CIT: variants seen among roughly 807,000 people sequenced by gnomAD.
CIT encodes the protein citron rho-interacting serine/threonine kinase.
In CIT, 79 loss-of-function variants were observed where a neutral mutation model predicts 272.7. That is an observed-to-expected ratio of 0.29 (90% CI 0.24 to 0.35). The LOEUF is 0.35. Ranked by LOEUF, CIT falls within the 10% of genes least tolerant of loss-of-function variation. The pLI is 1.00. For synonymous variants in CIT, 948 were observed against 995.6 expected (o/e 0.95, Z 0.90); for missense variants, 1,909 against 2,618.3 (o/e 0.73, Z 5.91).
chr12:119,714,218 G>T lies in CIT; in HGVS notation c.4285C>A (p.Arg1429Ser). 1 of 1,614,084 alleles carries T rather than the reference G, an allele frequency of 6.2e-7. No individual in the cohort carries two copies. Among genetic ancestry groups the T allele is most frequent in the Non-Finnish European group, 8.5e-7 (1 of 1,180,014 alleles). ...AVCLDTVHFG[R>S]QASKCLECQV... ...TTACCGAGACATTTGGATGCCTGGC[G>T]TCCAAAGTGCACGGTATCCAGACAC... is the stretch of plus-strand genomic sequence containing the variant. The change falls in exon 33 of 48, where the codon CGC becomes AGC. Residue 1429 changes from arginine to serine, a missense_variant. Physicochemically the swap from Arg to Ser is moderately radical, Grantham distance 110. Around this residue, in one of 8 missense-constraint regions of CIT, gnomAD observed 780 missense variants for 1,067.2 expected, o/e 0.73. Coordinates refer to ENST00000392521, the MANE Select transcript of CIT (RefSeq NM_001206999.2).
chr12:119,815,061 A>G (rs1967029862), intron 9 of CIT, among the ~76,000 whole-genome samples: 1 of 148,006 alleles, frequency 6.8e-6, no homozygotes, highest in Non-Finnish European at 1.5e-5. Flanking sequence ...AAAAGGGCCC[A>G]AAACGAATAT....
chr12:119,732,588 C>A (rs918170975), intron 26 of CIT, among the ~76,000 whole-genome samples: 5 of 152,296 alleles, frequency 3.3e-5, no homozygotes, highest in Admixed American at 6.5e-5. Context: ...CAAAAAGGAA[C>A]TATTTCTACC....
At chr12:119,726,810 G>A (rs1958139206) in intron 28 of CIT, among the ~76,000 whole-genome samples, 1 of 152,182 alleles carries the variant, frequency 6.6e-6, no homozygotes, top group South Asian at 2.1e-4. Flanking sequence ...GTTGGGGAGT[G>A]GGAGGTAGTC....
intron 3 of CIT, among the ~76,000 whole-genome samples, chr12:119,864,394 G>A (rs1950457233): frequency 6.6e-6 from 1 of 152,114 alleles, no homozygotes; most frequent in African/African-American, 2.4e-5. Context: ...GGGGTGCAGT[G>A]GCACAATCTT....
chr12:119,806,266 G>A (rs1228267457), intron 9 of CIT, among the ~76,000 whole-genome samples: 1 of 151,524 alleles, frequency 6.6e-6, no homozygotes, highest in Non-Finnish European at 1.5e-5. Context: ...AGTCGGTCAA[G>A]TACAACAGGA....
chr12:119,843,025 G>A (rs905256691), intron 5 of CIT, among the ~76,000 whole-genome samples: 9 of 152,138 alleles, frequency 5.9e-5, no homozygotes, highest in South Asian at 2.1e-4. Context: ...GTCAAAAGGC[G>A]CCATTCCAGA....
chr12:119,705,430 T>C (rs1565912067), intron 40 of CIT, among the ~76,000 whole-genome samples: 1 of 152,056 alleles, frequency 6.6e-6, no homozygotes, highest in Non-Finnish European at 1.5e-5. Context: ...AGAATGAAGA[T>C]GGGCCGGGAT....
chr12:119,787,648 A>G (rs679381), intron 10 of CIT, among the ~76,000 whole-genome samples: 66,269 of 147,866 alleles, frequency 0.45, 15,307 homozygotes, highest in Admixed American at 0.56. Context: ...GGAGAATGGC[A>G]TGAACCCGGG....
chr12:119,706,827 G>C (rs190402619), intron 40 of CIT, among the ~76,000 whole-genome samples: 1 of 152,148 alleles, frequency 6.6e-6, no homozygotes, highest in African/African-American at 2.4e-5. Flanking sequence ...TGGGTTGAAT[G>C]GTATTTCCAT....
intron 5 of CIT, among the ~76,000 whole-genome samples, chr12:119,848,173 G>A (rs1373855383): frequency 6.6e-6 from 1 of 152,220 alleles, no homozygotes; most frequent in Non-Finnish European, 1.5e-5. Flanking sequence ...CGTGTGGTCA[G>A]TCAAAGCCAG....
chr12:119,762,626 TA>T (rs2137514426), intron 19 of CIT, among the ~76,000 whole-genome samples: 1 of 152,302 alleles, frequency 6.6e-6, no homozygotes, highest in South Asian at 2.1e-4. Flanking sequence ...TATGAGGTGC[TA>T]AAGCAATGAA....
chr12:119,711,378 T>C (rs904394201), intron 37 of CIT, among the ~76,000 whole-genome samples: 5 of 152,296 alleles, frequency 3.3e-5, no homozygotes, highest in South Asian at 4.1e-4. Context: ...TTCTAACAGC[T>C]TAAGGATAAG....
intron 30 of CIT, among the ~76,000 whole-genome samples, chr12:119,719,644 G>C (rs985233299): frequency 3.9e-5 from 6 of 152,154 alleles, no homozygotes; most frequent in African/African-American, 1.2e-4. Flanking sequence ...CGGAAATATT[G>C]AGACAACTGT....
In CIT at chr12:119,869,010, T is replaced by C. The variant is rs534902824; in HGVS notation, c.238+50A>G. On this transcript the variant is annotated intron_variant, in intron 3 of 47. Transcript: ENST00000392521. Reference sequence around the variant, plus strand: ...ACTCATTCTGCCTCAAGCATCTTTCTAGTTTTTCTCTCTCAGGACAGTTTT... The same window carrying C: ...ACTCATTCTGCCTCAAGCATCTTTCCAGTTTTTCTCTCTCAGGACAGTTTT... 1.6e-5 allele frequency: 26 copies of C among 1,600,398 alleles called. No individual in the cohort carries two copies. The East Asian group carries it at 5.1e-4, about 32-fold the overall frequency.
chr12:119,869,869 C>G lies in CIT; in HGVS notation c.97-668G>C, dbSNP rs549789735. On this transcript the variant is annotated intron_variant, in intron 2 of 47. Coordinates refer to ENST00000392521, the MANE Select transcript of CIT (RefSeq NM_001206999.2). ...TGGCACATCCGGCAACACTGCCTCG[C>G]CTTCCTGCCTGATGACGCTGAGCTG... Among the ~76,000 whole-genome samples, 6 of 152,318 alleles carry G rather than the reference C, an allele frequency of 3.9e-5. No homozygotes were observed. In the South Asian group the frequency reaches 1.2e-3, roughly 32 times the overall value.
chr12:119,743,230 T>TAA (rs371168551), intron 23 of CIT, among the ~76,000 whole-genome samples: 1 of 143,636 alleles, frequency 7.0e-6, no homozygotes, highest in Non-Finnish European at 1.5e-5. Flanking sequence ...GGGACCAGTT[T>TAA]AAAAAAAAAA....
intron 28 of CIT, among the ~76,000 whole-genome samples, chr12:119,724,137 A>G (rs562472159): frequency 6.6e-6 from 1 of 152,256 alleles, no homozygotes; most frequent in African/African-American, 2.4e-5. Flanking sequence ...TTGAAAAAAT[A>G]AAAGAGAAGG....
chr12:119,690,271 C>T lies in CIT; in HGVS notation c.6066G>A (p.Lys2022=). The T allele has an allele frequency of 6.3e-7, 1 of 1,577,802 alleles. No homozygotes were observed. ...KSPGRPLERE[K]SPGRMLSTRR... is the part of the protein sequence containing the mutation. ...GCGTGCTGAGCATCCGGCCGGGGGACTTCTCTCGCTCCAGGGGGCGGCCAG... is the reference window on the plus strand; with the variant it reads ...GCGTGCTGAGCATCCGGCCGGGGGATTTCTCTCGCTCCAGGGGGCGGCCAG... Residue 2022 remains lysine, a synonymous_variant, in exon 47 of 48, where the codon AAG becomes AAA. Coordinates refer to ENST00000392521, the MANE Select transcript of CIT (RefSeq NM_001206999.2). The surrounding 1 kb of genome is among the most constrained non-coding windows in gnomAD (Gnocchi z 6.0).
intron 15 of CIT, 65 bp from the exon 16 acceptor site, chr12:119,775,904 T>C (rs1963702609): frequency 1.5e-6 from 2 of 1,309,930 alleles, no homozygotes; most frequent in Admixed American, 3.5e-5. Flanking sequence ...GCTACATTTA[T>C]TGCAGTCCTA....
Sources: gnomAD v4.1 joint callset for allele counts (sites outside exome capture counted in the v4.1 genomes callset) on GRCh38, gnomAD v4.1.1 for gene constraint, gnomAD v4.1.1 regional missense constraint, Gnocchi (gnomAD v3.1) non-coding constraint, MANE v1.5 for transcripts, NCBI Gene and HGNC (gene_info 2026-07-23, HGNC 2026-07-21) for gene names.